LRRC8D: variants seen among roughly 807,000 people sequenced by gnomAD.
LRRC8D encodes leucine rich repeat containing 8 VRAC subunit D.
In LRRC8D, 20 loss-of-function variants were observed where a neutral mutation model predicts 55.8. The observed-to-expected ratio is 0.36, with a 90% CI of 0.25 to 0.52. LRRC8D has a LOEUF of 0.52. LRRC8D is among the 20% of genes least tolerant of loss of function. The pLI, the probability that LRRC8D is intolerant of heterozygous loss-of-function variation, is 0.93. For missense variants in LRRC8D, 651 were observed against 1,030.8 expected (o/e 0.63, Z 5.05); for synonymous variants, 352 against 377.0 (o/e 0.93, Z 0.77).
intron 2 of LRRC8D, among the ~76,000 whole-genome samples, chr1:89,894,777 C>T (rs1662664671): frequency 6.6e-6 from 1 of 152,150 alleles, no homozygotes; most frequent in African/African-American, 2.4e-5. Flanking sequence ...GAATATAAGT[C>T]ACCACTCAAA....
chr1:89,842,960 GA>G (rs1287558587), intron 1 of LRRC8D: 90 of 152,352 alleles, frequency 5.9e-4, no homozygotes, highest in African/African-American at 2.1e-3. Context: ...GAGACCCTAG[GA>G]GGAACCGAGG....
chr1:89,835,812 GTTA>G (rs1660992669), intron 1 of LRRC8D, among the ~76,000 whole-genome samples: 1 of 152,198 alleles, frequency 6.6e-6, no homozygotes, highest in East Asian at 1.9e-4. Flanking sequence ...TGCTGTTGCT[GTTA>G]TTATTGTCAT....
chr1:89,925,229 C>T (rs1454526709), intron 2 of LRRC8D, among the ~76,000 whole-genome samples: 1 of 152,178 alleles, frequency 6.6e-6, no homozygotes, highest in Non-Finnish European at 1.5e-5. Flanking sequence ...TTCTGCTATC[C>T]TTGTGAGAAT....
At chr1:89,842,304 T>TTATAAA (rs1661156453) in intron 1 of LRRC8D, among the ~76,000 whole-genome samples, 1 of 152,014 alleles carries the variant, frequency 6.6e-6, no homozygotes, top group Non-Finnish European at 1.5e-5. Flanking sequence ...GAAAGACCTG[T>TTATAAA]ATTCAGTTCT....
intron 2 of LRRC8D, among the ~76,000 whole-genome samples, chr1:89,860,454 C>G (rs993845252): frequency 1.3e-5 from 2 of 151,920 alleles, no homozygotes; most frequent in South Asian, 2.1e-4. Flanking sequence ...TACTCTTACA[C>G]GTCCAATTTT....
intron 2 of LRRC8D, among the ~76,000 whole-genome samples, chr1:89,844,624 C>T (rs72716315): frequency 0.032 from 4,881 of 152,318 alleles, 109 homozygotes; most frequent in Non-Finnish European, 0.051. Flanking sequence ...TATACTTTCA[C>T]TTCCACATCG....
rs1216805430 is a variant in LRRC8D at position 89,860,807 on chromosome 1, T to TAC, written c.-3+17026_-3+17027insCA. ...AAAAATATATATATATATATATATA[T>TAC]ATACACACACAGACGCATTTTGTAC... On this transcript the variant is annotated intron_variant, in intron 2 of 2. Transcript: ENST00000337338. Among the ~76,000 whole-genome samples, 77 of 111,408 alleles carry TAC rather than the reference T, an allele frequency of 6.9e-4. 1 individual carries two copies. Among genetic ancestry groups the TAC allele is most frequent in the African/African-American group, 2.7e-3 (77 of 28,350 alleles). The allele number at this position is 111,408 out of a possible 152,430, so 73.1% of individuals were successfully genotyped here.
At chr1:89,922,370 T>A (rs1292652239) in intron 2 of LRRC8D, among the ~76,000 whole-genome samples, 1 of 152,156 alleles carries the variant, frequency 6.6e-6, no homozygotes, top group Non-Finnish European at 1.5e-5. Context: ...TGGCCAATAA[T>A]TTTGACTTAA....
At chr1:89,828,434 T>C (rs1181525226) in intron 1 of LRRC8D, among the ~76,000 whole-genome samples, 1 of 152,244 alleles carries the variant, frequency 6.6e-6, no homozygotes, top group Non-Finnish European at 1.5e-5. Flanking sequence ...GTGCTAAGTT[T>C]ATTCAATTAT....
intron 2 of LRRC8D, among the ~76,000 whole-genome samples, chr1:89,845,816 T>G (rs1661260632): frequency 6.6e-6 from 1 of 150,606 alleles, no homozygotes; most frequent in Admixed American, 6.6e-5. Context: ...AGTTTTGCTC[T>G]TGTTGCCCTG....
Position 89,843,738 on chromosome 1 carries a change from TC to T in LRRC8D, c.-43del, listed in dbSNP as rs1325966876. 1.4e-6 allele frequency: 1 copy of T among 701,102 alleles called. No individual in the cohort carries two copies. Among genetic ancestry groups the T allele is most frequent in the African/African-American group, 1.8e-5 (1 of 57,134 alleles). The allele number at this position is 701,102 out of a possible 1,614,324, so 43.4% of individuals were successfully genotyped here. A position where few individuals can be genotyped will look rare whatever the true frequency, so the allele number is the denominator to read the frequency against. On this transcript the variant is annotated 5_prime_UTR_variant, in exon 2 of 3. Transcript: ENST00000337338. ...GCCTCCGGAGCTCGCCCAAGCCGCG[TC>T]CCCAGAGAGCGCCCTGAGAGAACAG...
chr1:89,875,430 T>C (rs1162890915), intron 2 of LRRC8D, among the ~76,000 whole-genome samples: 3 of 152,142 alleles, frequency 2.0e-5, no homozygotes, highest in African/African-American at 7.2e-5. Context: ...GTTGTGAATA[T>C]AACAAAATCC....
intron 2 of LRRC8D, among the ~76,000 whole-genome samples, chr1:89,866,078 C>A (rs1310262365): frequency 6.6e-6 from 1 of 152,192 alleles, no homozygotes; most frequent in Admixed American, 6.5e-5. Flanking sequence ...GTAGCACATA[C>A]CTTCATGTCA....
At chr1:89,887,778 T>C (rs76654902) in intron 2 of LRRC8D, among the ~76,000 whole-genome samples, 1,760 of 152,332 alleles carry the variant, frequency 0.012, 15 homozygotes, top group Non-Finnish European at 0.018. Flanking sequence ...GTATCATGAA[T>C]TTAAAATATG....
At chr1:89,902,161 T>G (rs368777850) in intron 2 of LRRC8D, among the ~76,000 whole-genome samples, 1 of 152,280 alleles carries the variant, frequency 6.6e-6, no homozygotes, top group Non-Finnish European at 1.5e-5. Flanking sequence ...AACAATTAAA[T>G]GCCAGAAATG....
intron 2 of LRRC8D, among the ~76,000 whole-genome samples, chr1:89,860,304 T>C (rs1251156143): frequency 6.6e-6 from 1 of 152,194 alleles, no homozygotes; most frequent in Non-Finnish European, 1.5e-5. Flanking sequence ...ACTAAATCTT[T>C]TATGCGAAAA....
intron 1 of LRRC8D, among the ~76,000 whole-genome samples, chr1:89,837,096 C>G (rs1661020363): frequency 6.6e-6 from 1 of 152,224 alleles, no homozygotes; most frequent in South Asian, 2.1e-4. Context: ...GATCAAAGTA[C>G]ATGGGTTCAC....
At chr1:89,869,449 TG>T (rs1410957335) in intron 2 of LRRC8D, among the ~76,000 whole-genome samples, 5 of 152,098 alleles carry the variant, frequency 3.3e-5, no homozygotes, top group Non-Finnish European at 5.9e-5. Flanking sequence ...CCAAGAAATA[TG>T]GGACTATGTG....
At chr1:89,908,475 G>A (rs934971383) in intron 2 of LRRC8D, among the ~76,000 whole-genome samples, 1 of 152,070 alleles carries the variant, frequency 6.6e-6, no homozygotes, top group Admixed American at 6.6e-5. Context: ...TCCCTCAGGG[G>A]TGTTGTTATC....
Sources: gnomAD v4.1 joint callset for allele counts (sites outside exome capture counted in the v4.1 genomes callset) on GRCh38, gnomAD v4.1.1 for gene constraint, MANE v1.5 for transcripts, NCBI Gene and HGNC (gene_info 2026-07-23, HGNC 2026-07-21) for gene names.